Variants in SAMD9L observed in about 807,000 individuals in gnomAD.
The protein encoded by SAMD9L is sterile alpha motif domain-containing protein 9-like.
A neutral mutation model predicts 90.7 loss-of-function variants in SAMD9L; 68 were observed. The ratio of observed to expected loss-of-function variants is 0.75; its 90% confidence interval spans 0.62 to 0.92. SAMD9L has a LOEUF of 0.92. Among genes scored for constraint, SAMD9L ranks in the 40% least tolerant of loss-of-function variants. The pLI is 0.00. For synonymous variants in SAMD9L, 640 were observed against 630.1 expected, an observed-to-expected ratio of 1.02 and a Z score of -0.23; for missense variants, 1,604 against 1,824.3, an observed-to-expected ratio of 0.88 and a Z score of 2.20.
rs368290237 is a variant in SAMD9L at position 93,132,369 on chromosome 7, T to C, written c.3603A>G (p.Ile1201Met). The C allele has an allele frequency of 6.3e-5, 102 of 1,613,834 alleles. No homozygotes were observed. The highest frequency in any genetic ancestry group is 8.4e-5 in the Non-Finnish European group (99 of 1,179,872). Residue 1201 changes from isoleucine (I) to methionine (M), a missense_variant, in exon 5 of 5, where the codon ATA becomes ATG. Around this residue, in one of 7 missense-constraint regions of SAMD9L, gnomAD observed 302 missense variants for 314.7 expected, o/e 0.96. Transcript: ENST00000318238. ...TCTGGATAGTGTAAAGACCAACTTC[T>C]ATTTCACCCAAGAAACAAGCTGTGT... is the stretch of plus-strand genomic sequence containing the variant. ...MYNTACFLGE[I>M]EVGLYTIQIL... is the part of the protein sequence containing the mutation.
rs1792357951 is a variant in SAMD9L, at chr7:93,135,008, A to G, written c.964T>C (p.Tyr322His). Residue 322 changes from tyrosine to histidine, a missense_variant, in exon 5 of 5, where the codon TAC becomes CAC. Tyr to His is a moderately conservative substitution (Grantham distance 83). Coordinates refer to ENST00000318238, the MANE Select transcript of SAMD9L (RefSeq NM_152703.5). The part of the protein sequence containing the change: ...KHSICNDKYF[Y>H]IQMQICKDKI... ...TCTTTACAAATTTGCATCTGAATGT[A>G]GAAATACTTATCATTACATATAGAG... is the stretch of plus-strand genomic sequence containing the variant. 2.5e-6 allele frequency: 4 copies of G among 1,612,996 alleles called. No homozygotes were observed. Among genetic ancestry groups the G allele is most frequent in the Non-Finnish European group, 3.4e-6 (4 of 1,179,016 alleles).
In SAMD9L at chr7:93,131,460, A is replaced by C. The variant is rs200615225; in HGVS notation, c.4512T>G (p.Asn1504Lys). ...EQYFDKAQNT[N>K]SLWHSGDVWK... ...ACACATCCCCACTGTGCCAGAGGGA[A>C]TTTGTATTTTGTGCTTTATCAAAGT... Residue 1504 changes from asparagine to lysine, a missense_variant, in exon 5 of 5, where the codon AAT (asparagine) becomes AAG (lysine). By Grantham distance (94) the Asn-to-Lys change is moderately conservative (BLOSUM62 0). Coordinates refer to ENST00000318238, the MANE Select transcript of SAMD9L (RefSeq NM_152703.5). The C allele has an allele frequency of 1.3e-4, 207 of 1,613,698 alleles. 1 individual carries two copies. Among genetic ancestry groups the C allele is most frequent in the Non-Finnish European group, 4.2e-5 (49 of 1,179,860 alleles).
chr7:93,137,731 TA>T (rs1792510496), intron 4 of SAMD9L, among the ~76,000 whole-genome samples: 2 of 111,046 alleles, frequency 1.8e-5, no homozygotes, highest in African/African-American at 3.8e-5. Flanking sequence ...TTAAGGAACC[TA>T]AGTTTTTTTT....
rs147371404 is a variant in SAMD9L, at chr7:93,142,375, T to G, written c.-21+2357A>C. Among the ~76,000 whole-genome samples the G allele has an allele frequency of 1.9e-3, 285 of 152,334 alleles. 1 individual carries two copies. Among genetic ancestry groups the G allele is most frequent in the Middle Eastern group, 3.4e-3 (1 of 294 alleles). On this transcript the variant is annotated intron_variant, in intron 4 of 4. Coordinates refer to ENST00000318238, the MANE Select transcript of SAMD9L (RefSeq NM_152703.5). Reference sequence around the variant, plus strand: ...ATAAATATTTGTTGAATGAGGAAATTAACATTTTTAGATTAGTGAAACAAT... The same window carrying G: ...ATAAATATTTGTTGAATGAGGAAATGAACATTTTTAGATTAGTGAAACAAT...
chr7:93,134,292 GA>G lies in SAMD9L; in HGVS notation c.1679del (p.Leu560ProfsTer23). 6.2e-7 allele frequency: 1 copy of G among 1,613,354 alleles called. No individual in the cohort carries two copies. Among genetic ancestry groups the G allele is most frequent in the Non-Finnish European group, 8.5e-7 (1 of 1,179,780 alleles). On this transcript the variant is annotated frameshift_variant, in exon 5 of 5. Coordinates refer to ENST00000318238, the MANE Select transcript of SAMD9L (RefSeq NM_152703.5). LOFTEE classifies it high-confidence loss of function. ...GATAGAAAGCCCAGAAAGTTTCAAT[GA>G]GTGGATCTCCTGGGCTTTCCACTGA... ...LSSVESPGDP[L>X]IETFWAFYQA...
chr7:93,132,349 A>C lies in SAMD9L; in HGVS notation c.3623T>G (p.Ile1208Ser), dbSNP rs1397527817. The change falls in exon 5 of 5, where the codon ATC becomes AGC. Residue 1208 changes from isoleucine (I) to serine (S), a missense_variant. This residue lies in a region of SAMD9L where 302 missense variants were observed against 314.7 expected (regional missense o/e 0.96). Transcript: ENST00000318238. Reference sequence around the variant, plus strand: ...AAAGGGAGTGAGCTGAAGAATCTGGATAGTGTAAAGACCAACTTCTATTTC... The same window carrying C: ...AAAGGGAGTGAGCTGAAGAATCTGGCTAGTGTAAAGACCAACTTCTATTTC... ...LGEIEVGLYT[I>S]QILQLTPFFH... is the part of the protein sequence containing the mutation. 1.2e-6 allele frequency: 2 copies of C among 1,613,742 alleles called. No individual in the cohort carries two copies. Among genetic ancestry groups the C allele is most frequent in the Non-Finnish European group, 1.7e-6 (2 of 1,179,864 alleles).
Position 93,135,274 on chromosome 7 carries a change from G to T in SAMD9L, c.698C>A (p.Thr233Asn), listed in dbSNP as rs778035449. The change falls in exon 5 of 5, where the codon ACC becomes AAC. Residue 233 changes from threonine to asparagine, a missense_variant. By Grantham distance (65) the Thr-to-Asn change is moderately conservative. This residue lies in a region of SAMD9L where 374 missense variants were observed against 363.6 expected (regional missense o/e 1.03). Transcript: ENST00000318238. Reference protein sequence around the residue: ...RFASACMNSRTNGTIHFGVKD... With the variant: ...RFASACMNSRNNGTIHFGVKD... ...GACTCCAAAATGGATGGTGCCATTG[G>T]TGCGTGAATTCATACAAGCTGATGC... 4.3e-6 allele frequency: 7 copies of T among 1,614,096 alleles called. No individual in the cohort carries two copies. Among genetic ancestry groups the T allele is most frequent in the Non-Finnish European group, 5.9e-6 (7 of 1,179,988 alleles).
chr7:93,141,752 C>G (rs1401094556), intron 4 of SAMD9L, among the ~76,000 whole-genome samples: 1 of 152,188 alleles, frequency 6.6e-6, no homozygotes, highest in African/African-American at 2.4e-5. Context: ...GCCCCACCAC[C>G]ATGCCATTCA....
chr7:93,130,146 C>T lies in SAMD9L; in HGVS notation c.*1071G>A, dbSNP rs572600136. The T allele has an allele frequency of 2.0e-5, 3 of 152,282 alleles. No homozygotes were observed. In the East Asian group the frequency reaches 5.8e-4, roughly 29 times the overall value. The allele number at this position is 152,282 out of a possible 1,614,324, so 9.4% of individuals were successfully genotyped here. A position where few individuals can be genotyped will look rare whatever the true frequency, so the allele number is the denominator to read the frequency against. ...ATAGGCAATGCGTAGTTCTTAAATTCCAAGCTCTAGAATGCTGCTTGAGAC... is the reference window on the plus strand; with the variant it reads ...ATAGGCAATGCGTAGTTCTTAAATTTCAAGCTCTAGAATGCTGCTTGAGAC... On this transcript the variant is annotated 3_prime_UTR_variant, in exon 5 of 5. Transcript: ENST00000318238.
intron 4 of SAMD9L, among the ~76,000 whole-genome samples, chr7:93,141,635 T>A (rs1167892404): frequency 6.6e-6 from 1 of 152,114 alleles, no homozygotes; most frequent in Non-Finnish European, 1.5e-5. Flanking sequence ...TCACAGTATA[T>A]CCATAATTCC....
Position 93,142,630 on chromosome 7 carries a change from G to A in SAMD9L, c.-21+2102C>T, listed in dbSNP as rs370417804. Among the ~76,000 whole-genome samples, 32 of 152,336 alleles carry A rather than the reference G, an allele frequency of 2.1e-4. 1 individual carries two copies. In the South Asian group the frequency reaches 6.4e-3, roughly 31 times the overall value. On this transcript the variant is annotated intron_variant, in intron 4 of 4. Transcript: ENST00000318238. The stretch of plus-strand genomic sequence containing the variant: ...CAGGTTTTGGTGTCTCACAGTCCCT[G>A]AGTGAGCATTTTTCTCAGATAGGGT...
rs772603240 is a variant in SAMD9L at position 93,135,434 on chromosome 7, G to A, written c.538C>T (p.His180Tyr). The A allele has an allele frequency of 3.1e-6, 5 of 1,614,138 alleles. No individual in the cohort carries two copies. The highest frequency in any genetic ancestry group is 1.7e-5 in the Admixed American group (1 of 60,020). The change falls in exon 5 of 5, where the codon CAT becomes TAT. Residue 180 changes from histidine to tyrosine, a missense_variant. By Grantham distance (83) the His-to-Tyr change is moderately conservative. Coordinates refer to ENST00000318238, the MANE Select transcript of SAMD9L (RefSeq NM_152703.5). ...QFHDSHRYIE[H>Y]YTLQPETGAL... ...CCTGTTTCAGGTTGTAGAGTATAAT[G>A]TTCTATGTAGCGATGGCTGTCATGG...
chr7:93,143,571 A>G (rs922445661), intron 4 of SAMD9L, among the ~76,000 whole-genome samples: 4 of 152,176 alleles, frequency 2.6e-5, no homozygotes, highest in Non-Finnish European at 4.4e-5. Flanking sequence ...AGCTTCTCCA[A>G]ACTCCTGAAA....
intron 4 of SAMD9L, among the ~76,000 whole-genome samples, chr7:93,137,387 A>G (rs1008230839): frequency 2.0e-5 from 3 of 152,080 alleles, no homozygotes; most frequent in Non-Finnish European, 4.4e-5. Flanking sequence ...TGTGCATATA[A>G]GGGATCCAGG....
Position 93,131,527 on chromosome 7 carries a change from T to C in SAMD9L, c.4445A>G (p.Lys1482Arg), listed in dbSNP as rs1308096942. 1 of 1,613,890 alleles carries C rather than the reference T, an allele frequency of 6.2e-7. No individual in the cohort carries two copies. The change falls in exon 5 of 5, where the codon AAG becomes AGG. Residue 1482 changes from lysine (K) to arginine (R), a missense_variant. Around this residue, in one of 7 missense-constraint regions of SAMD9L, gnomAD observed 282 missense variants for 329.6 expected, o/e 0.86. Coordinates refer to ENST00000318238, the MANE Select transcript of SAMD9L (RefSeq NM_152703.5). Reference protein sequence around the residue: ...ASTLFYLGKRKGLNSIVHKAK... With the variant: ...ASTLFYLGKRRGLNSIVHKAK... ...CTTGTGAACAATACTGTTTAGACCC[T>C]TCCTTTTGCCCAGATAGAAAAGTGT...
chr7:93,136,423 GCTAT>G (rs1306199445), intron 4 of SAMD9L, among the ~76,000 whole-genome samples: 2 of 152,188 alleles, frequency 1.3e-5, no homozygotes, highest in Non-Finnish European at 2.9e-5. Context: ...TCCACAGCTG[GCTAT>G]CTTTGTTACA....
rs377025658 is a variant in SAMD9L, at chr7:93,132,768, T to C, written c.3204A>G (p.Glu1068=). 1 of 1,613,540 alleles carries C rather than the reference T, an allele frequency of 6.2e-7. No individual in the cohort carries two copies. The highest frequency in any genetic ancestry group is 8.5e-7 in the Non-Finnish European group (1 of 1,179,622). ...GTCTACTTCCTGCACTCAAGACCTT[T>C]TCAATGTCTTTATTCTGTAAAGCTT... ...LMEALQNKDI[E]KVLSAGSRRF... The change falls in exon 5 of 5, where the codon GAA becomes GAG. Residue 1068 remains glutamate (E), a synonymous_variant. Transcript: ENST00000318238.
intron 4 of SAMD9L, among the ~76,000 whole-genome samples, chr7:93,140,572 A>C (rs1236077794): frequency 6.6e-6 from 1 of 152,180 alleles, no homozygotes; most frequent in East Asian, 1.9e-4. Flanking sequence ...CATCAAACTT[A>C]CAACACCTCC....
Position 93,135,638 on chromosome 7 carries a change from C to A in SAMD9L, c.334G>T (p.Glu112Ter). ...TCAATATTAGATGACATTGAATTTT[C>A]TTCTTCCTTTTTGGTGTGTTTTGGA... is the stretch of plus-strand genomic sequence containing the variant. ...KNPKHTKKEEENSMSSNIDYD... is the reference protein window; with the variant it reads ...KNPKHTKKEE The change falls in exon 5 of 5, where the codon GAA (glutamate) becomes TAA (stop). Residue 112 changes from glutamate (E) to a stop codon, truncating the protein, a stop_gained. Transcript: ENST00000318238. LOFTEE classifies it low-confidence loss of function (END_TRUNC). 6.2e-7 allele frequency: 1 copy of A among 1,613,928 alleles called. No individual in the cohort carries two copies. Among genetic ancestry groups the A allele is most frequent in the Non-Finnish European group, 8.5e-7 (1 of 1,179,900 alleles).
Sources: gnomAD v4.1 joint callset for allele counts (sites outside exome capture counted in the v4.1 genomes callset) on GRCh38, gnomAD v4.1.1 for gene constraint, gnomAD v4.1.1 regional missense constraint, MANE v1.5 for transcripts, NCBI Gene and HGNC (gene_info 2026-07-23, HGNC 2026-07-21) for gene names.